ZHX3: variants seen among roughly 807,000 people sequenced by gnomAD.
ZHX3 encodes zinc fingers and homeoboxes protein 3.
ZHX3 carries 20 observed loss-of-function variants against 64.5 expected under a neutral mutation model. The ratio of observed to expected loss-of-function variants is 0.31; its 90% CI spans 0.22 to 0.45. ZHX3 has a LOEUF of 0.45. Ranked by LOEUF, ZHX3 falls within the 20% of genes least tolerant of loss-of-function variation. The pLI is 1.00. For synonymous variants in ZHX3, 423 were observed against 461.6 expected, an observed-to-expected ratio of 0.92 and a Z score of 1.07; for missense variants, 1,041 against 1,195.8, an observed-to-expected ratio of 0.87 and a Z score of 1.91.
chr20:41,185,564 C>T lies in ZHX3; in HGVS notation c.2861-363G>A. ...GTCCTAAAATGCTTCATCCTGCCCTCTCCTTCCAGGCTCTCCAGAACATAC... is the reference window on the plus strand; with the variant it reads ...GTCCTAAAATGCTTCATCCTGCCCTTTCCTTCCAGGCTCTCCAGAACATAC... On this transcript the variant is annotated intron_variant, in intron 3 of 3. Transcript: ENST00000683867. This position sits in a 1 kb window ranked among gnomAD's most constrained non-coding sequence, Gnocchi z 5.0. 1 of 416,448 alleles carries T rather than the reference C, an allele frequency of 2.4e-6. No individual in the cohort carries two copies. The highest frequency in any genetic ancestry group is 4.3e-6 in the Non-Finnish European group (1 of 234,392). 25.8% of individuals were successfully genotyped at this position (416,448 alleles called of 1,614,324 possible).
chr20:41,286,646 C>T (rs1031256783), intron 1 of ZHX3, among the ~76,000 whole-genome samples: 3 of 152,194 alleles, frequency 2.0e-5, no homozygotes, highest in African/African-American at 7.2e-5. Context: ...GCTAAAAGCC[C>T]TGCATGATCT....
At chr20:41,207,480 T>G (rs2146262414) in intron 2 of ZHX3, among the ~76,000 whole-genome samples, 1 of 152,180 alleles carries the variant, frequency 6.6e-6, no homozygotes, top group East Asian at 1.9e-4. Context: ...AGAACAGAAA[T>G]TATAATAAAC....
chr20:41,254,433 CAGTT>C (rs1169782229), intron 2 of ZHX3, among the ~76,000 whole-genome samples: 2 of 152,136 alleles, frequency 1.3e-5, no homozygotes, highest in Non-Finnish European at 2.9e-5. Flanking sequence ...GCCTGCCACA[CAGTT>C]GGTGTTTGAG....
At position 41,204,391 on chromosome 20, in the gene ZHX3, G is replaced by T; in HGVS notation, c.526C>A (p.Gln176Lys). The change falls in exon 3 of 4, where the codon CAG (glutamine) becomes AAG (lysine). Residue 176 changes from glutamine to lysine, a missense_variant. This residue lies in a region of ZHX3 where 358 missense variants were observed against 369.1 expected (regional missense o/e 0.97). Coordinates refer to ENST00000683867, the MANE Select transcript of ZHX3 (RefSeq NM_001384317.1). This position sits in a 1 kb window ranked among gnomAD's most constrained non-coding sequence, Gnocchi z 6.6. ...GEPSAEGADG[Q>K]AEIIITKTPI... Reference sequence around the variant, plus strand: ...GTTTTGGTAATGATGATTTCTGCCTGTCCATCAGCCCCTTCAGCACTGGGC... The same window carrying T: ...GTTTTGGTAATGATGATTTCTGCCTTTCCATCAGCCCCTTCAGCACTGGGC... 6.2e-7 allele frequency: 1 copy of T among 1,614,138 alleles called. No homozygotes were observed. The highest frequency in any genetic ancestry group is 8.5e-7 in the Non-Finnish European group (1 of 1,180,034).
intron 2 of ZHX3, among the ~76,000 whole-genome samples, chr20:41,229,754 GT>G (rs2040482662): frequency 6.6e-6 from 1 of 151,960 alleles, no homozygotes; most frequent in African/African-American, 2.4e-5. Context: ...GTTGTCTGGG[GT>G]TTTTTGCTGT....
At chr20:41,301,910 C>T (rs1330413392) in intron 1 of ZHX3, among the ~76,000 whole-genome samples, 3 of 151,290 alleles carry the variant, frequency 2.0e-5, no homozygotes, top group East Asian at 1.9e-4. Flanking sequence ...AAAAATTAGC[C>T]GGGCGTAGTG....
intron 2 of ZHX3, among the ~76,000 whole-genome samples, chr20:41,223,685 C>G (rs1271222616): frequency 6.6e-6 from 1 of 152,054 alleles, no homozygotes; most frequent in East Asian, 1.9e-4. Context: ...TCCCTGTAGC[C>G]CCTTTTAAAT....
At position 41,204,949 on chromosome 20, in the gene ZHX3, G is replaced by A; in HGVS notation, c.-33C>T. ...ATCACTGGGTGATCAGCAGTTGAGA[G>A]CTTGTCCCATAAGGGGCCTAACAAT... On this transcript the variant is annotated 5_prime_UTR_variant, in exon 3 of 4. Transcript: ENST00000683867. The surrounding 1 kb of genome is among the most constrained non-coding windows in gnomAD (Gnocchi z 6.6). 3 of 1,512,836 alleles carry A rather than the reference G, an allele frequency of 2.0e-6. No individual in the cohort carries two copies. Among genetic ancestry groups the A allele is most frequent in the South Asian group, 1.3e-5 (1 of 74,108 alleles). 93.7% of individuals were successfully genotyped at this position (1,512,836 alleles called of 1,614,324 possible).
chr20:41,289,573 T>C (rs576317628), intron 1 of ZHX3, among the ~76,000 whole-genome samples: 2 of 152,326 alleles, frequency 1.3e-5, no homozygotes, highest in African/African-American at 4.8e-5. Context: ...CTGTCTTCCT[T>C]TTAGGTAACA....
At chr20:41,313,554 G>C (rs979391642) in intron 1 of ZHX3, among the ~76,000 whole-genome samples, 13 of 149,046 alleles carry the variant, frequency 8.7e-5, no homozygotes, top group Non-Finnish European at 1.5e-4. Flanking sequence ...AATACCTGTG[G>C]AACAAGTAAA....
rs1045242343 is a variant in ZHX3 at position 41,181,124 on chromosome 20, CAA to C, written c.*4065_*4066del. On this transcript the variant is annotated 3_prime_UTR_variant, in exon 4 of 4. Transcript: ENST00000683867. ...GTAAAAGGAGAGAAGGAAGCTGGGTCAAGAGACCCTGAAGAGGAGGGTCCGTG... is the reference window on the plus strand; with the variant it reads ...GTAAAAGGAGAGAAGGAAGCTGGGTCGAGACCCTGAAGAGGAGGGTCCGTG... The C allele has an allele frequency of 6.6e-6, 1 of 152,286 alleles. No homozygotes were observed. Among genetic ancestry groups the C allele is most frequent in the Non-Finnish European group, 1.5e-5 (1 of 68,150 alleles). 9.4% of individuals were successfully genotyped at this position (152,286 alleles called of 1,614,324 possible).
intron 2 of ZHX3, among the ~76,000 whole-genome samples, chr20:41,235,133 G>GT (rs1254817073): frequency 6.6e-6 from 1 of 152,026 alleles, no homozygotes; most frequent in African/African-American, 2.4e-5. Flanking sequence ...GTGTGTGTGT[G>GT]TATGTGCACA....
At chr20:41,316,369 T>C (rs2045287621) in intron 1 of ZHX3, among the ~76,000 whole-genome samples, 1 of 152,230 alleles carries the variant, frequency 6.6e-6, no homozygotes, top group South Asian at 2.1e-4. Flanking sequence ...AAGTGCGCTT[T>C]TGGCTCCTTC....
At chr20:41,264,385 CAAAAAAAAAAAAA>C (rs1165922837) in intron 2 of ZHX3, among the ~76,000 whole-genome samples, 2 of 74,502 alleles carry the variant, frequency 2.7e-5, no homozygotes, top group Non-Finnish European at 5.1e-5. Flanking sequence ...ACCAAAAATA[CAAAAAAAAAAAAA>C]AAAAAAAAAA....
rs549987546 is a variant in ZHX3, at chr20:41,268,060, A to G, written c.-151+930T>C. Among the ~76,000 whole-genome samples the G allele has an allele frequency of 2.0e-3, 301 of 152,348 alleles. 2 individuals carry two copies. Among genetic ancestry groups the G allele is most frequent in the Non-Finnish European group, 3.7e-3 (252 of 68,034 alleles). ...CTGAAGCATAGGGAAGGTGCCCACCACAAGACAGAAAGTTCCAGAAGTTAC... is the reference window on the plus strand; with the variant it reads ...CTGAAGCATAGGGAAGGTGCCCACCGCAAGACAGAAAGTTCCAGAAGTTAC... On this transcript the variant is annotated intron_variant, in intron 2 of 3. Coordinates refer to ENST00000683867, the MANE Select transcript of ZHX3 (RefSeq NM_001384317.1).
At chr20:41,190,507 A>C (rs1248444787) in intron 3 of ZHX3, among the ~76,000 whole-genome samples, 4 of 151,830 alleles carry the variant, frequency 2.6e-5, no homozygotes, top group Non-Finnish European at 5.9e-5. Context: ...TTATTGTTAT[A>C]CTGTTGTTTT....
At chr20:41,244,886 G>A (rs1270499905) in intron 2 of ZHX3, among the ~76,000 whole-genome samples, 1 of 152,192 alleles carries the variant, frequency 6.6e-6, no homozygotes, top group Non-Finnish European at 1.5e-5. Context: ...ACCCTTGGAA[G>A]GGTTTTGGCC....
chr20:41,288,275 A>G (rs979255498), intron 1 of ZHX3, among the ~76,000 whole-genome samples: 1 of 152,154 alleles, frequency 6.6e-6, no homozygotes, highest in Admixed American at 6.5e-5. Context: ...CCACCTTGGC[A>G]TCCCAAAGTG....
At chr20:41,209,227 A>G (rs957839264) in intron 2 of ZHX3, among the ~76,000 whole-genome samples, 17 of 152,184 alleles carry the variant, frequency 1.1e-4, no homozygotes, top group Admixed American at 9.8e-4. Flanking sequence ...ATGCTCATGG[A>G]TAGGAAGAAT....
Sources: gnomAD v4.1 joint callset for allele counts (sites outside exome capture counted in the v4.1 genomes callset) on GRCh38, gnomAD v4.1.1 for gene constraint, gnomAD v4.1.1 regional missense constraint, Gnocchi (gnomAD v3.1) non-coding constraint, MANE v1.5 for transcripts, NCBI Gene and HGNC (gene_info 2026-07-23, HGNC 2026-07-21) for gene names.